POT1: variants seen among roughly 807,000 people sequenced by gnomAD.
POT1 encodes protection of telomeres protein 1.
In POT1, 47 loss-of-function variants were observed where a neutral mutation model predicts 78.5. That is an observed-to-expected ratio of 0.60 (90% CI 0.47 to 0.76). POT1 has a LOEUF of 0.76. POT1 is among the 30% of genes least tolerant of loss of function. The probability of loss-of-function intolerance (pLI) is 0.00; values close to 1 mark genes in which losing one functional copy is unlikely to be tolerated. For missense variants in POT1, 646 were observed against 749.9 expected, an observed-to-expected ratio of 0.86 and a Z score of 1.62; for synonymous variants, 259 against 260.7, an observed-to-expected ratio of 0.99 and a Z score of 0.06.
chr7:124,876,257 T>A (rs1324491785), intron 6 of POT1, among the ~76,000 whole-genome samples: 1 of 152,236 alleles, frequency 6.6e-6, no homozygotes, highest in East Asian at 1.9e-4. Flanking sequence ...ATATCCTTTT[T>A]ATAATCTTTA....
intron 17 of POT1, 101 bp from the exon 18 acceptor site, chr7:124,825,458 C>T: frequency 1.5e-6 from 1 of 659,216 alleles, no homozygotes; most frequent in South Asian, 2.8e-5. Flanking sequence ...AAAAGATAAT[C>T]TAGACAGTTT....
intron 14 of POT1, among the ~76,000 whole-genome samples, chr7:124,838,228 T>C (rs1794941954): frequency 6.6e-6 from 1 of 151,890 alleles, no homozygotes; most frequent in Non-Finnish European, 1.5e-5. Flanking sequence ...GTATACATAT[T>C]AGGAAGGAAG....
chr7:124,876,666 T>G (rs1188155386), intron 6 of POT1, among the ~76,000 whole-genome samples: 2 of 152,204 alleles, frequency 1.3e-5, no homozygotes, highest in African/African-American at 2.4e-5. Context: ...ACAGACTGTT[T>G]CTGTAAATTT....
chr7:124,899,908 T>C (rs1796579275), intron 3 of POT1, among the ~76,000 whole-genome samples: 1 of 152,116 alleles, frequency 6.6e-6, no homozygotes, highest in Non-Finnish European at 1.5e-5. Flanking sequence ...ATTTCTTTTA[T>C]CATGAAGAAA....
At chr7:124,857,414 C>T (rs990019176) in intron 9 of POT1, among the ~76,000 whole-genome samples, 30 of 152,336 alleles carry the variant, frequency 2.0e-4, no homozygotes, top group African/African-American at 6.0e-4. Flanking sequence ...CCTGATACCA[C>T]GGCCCAAAGT....
chr7:124,865,559 T>A (rs1795699376), intron 7 of POT1, among the ~76,000 whole-genome samples: 1 of 151,970 alleles, frequency 6.6e-6, no homozygotes, highest in African/African-American at 2.4e-5. Context: ...AGATTTTTCA[T>A]TTGTTCTTTT....
chr7:124,909,369 T>C (rs1284438987), intron 3 of POT1, among the ~76,000 whole-genome samples: 4 of 151,908 alleles, frequency 2.6e-5, no homozygotes, highest in African/African-American at 7.2e-5. Context: ...AGGATTATTG[T>C]ATTCAAATAC....
chr7:124,872,460 CCA>C (rs1314812292), intron 6 of POT1, among the ~76,000 whole-genome samples: 11 of 152,146 alleles, frequency 7.2e-5, no homozygotes, highest in Non-Finnish European at 7.4e-5. Flanking sequence ...TGCAGGGTAT[CCA>C]CACTGTCCAC....
chr7:124,836,854 C>G (rs140137001), intron 14 of POT1, among the ~76,000 whole-genome samples: 1 of 152,272 alleles, frequency 6.6e-6, no homozygotes, highest in Non-Finnish European at 1.5e-5. Context: ...AATGTAAAGT[C>G]CATGAAAGGA....
chr7:124,917,405 C>T (rs1797039534), intron 2 of POT1, among the ~76,000 whole-genome samples: 1 of 152,134 alleles, frequency 6.6e-6, no homozygotes, highest in African/African-American at 2.4e-5. Flanking sequence ...TATGAAGCCT[C>T]TAGTGCATTG....
At chr7:124,898,707 C>T (rs1207277928) in intron 3 of POT1, among the ~76,000 whole-genome samples, 1 of 151,974 alleles carries the variant, frequency 6.6e-6, no homozygotes, top group East Asian at 1.9e-4. Context: ...TTAAATGAAA[C>T]TAAATCTCAA....
At chr7:124,844,688 T>C (rs1795121181) in intron 12 of POT1, among the ~76,000 whole-genome samples, 2 of 124,730 alleles carry the variant, frequency 1.6e-5, no homozygotes, top group Admixed American at 2.2e-4. Flanking sequence ...TGAGCCAAGA[T>C]AGTGCCACTG....
chr7:124,879,445 G>A (rs1444167955), intron 6 of POT1, among the ~76,000 whole-genome samples: 1 of 152,104 alleles, frequency 6.6e-6, no homozygotes, highest in Non-Finnish European at 1.5e-5. Context: ...TTGGAAATGA[G>A]GGAAAAATAA....
At chr7:124,897,884 A>C (rs1018377498) in intron 4 of POT1, among the ~76,000 whole-genome samples, 1 of 151,968 alleles carries the variant, frequency 6.6e-6, no homozygotes, top group African/African-American at 2.4e-5. Flanking sequence ...GGCCATCTTC[A>C]CAACGAATAA....
chr7:124,907,140 T>C (rs1584519361), intron 3 of POT1, among the ~76,000 whole-genome samples: 1 of 152,262 alleles, frequency 6.6e-6, no homozygotes, highest in South Asian at 2.1e-4. Context: ...TATCAATGCA[T>C]ATACGAGTTA....
At chr7:124,922,864 G>A (rs1797184761) in intron 2 of POT1, among the ~76,000 whole-genome samples, 1 of 151,740 alleles carries the variant, frequency 6.6e-6, no homozygotes, top group Non-Finnish European at 1.5e-5. Context: ...CCCGTTATAT[G>A]CTAACAGATA....
At chr7:124,838,201 A>G (rs1016298272) in intron 14 of POT1, among the ~76,000 whole-genome samples, 1 of 152,132 alleles carries the variant, frequency 6.6e-6, no homozygotes, top group African/African-American at 2.4e-5. Context: ...TAATGCAGTA[A>G]GAAAAGGAAA....
chr7:124,903,974 T>G (rs903679380), intron 3 of POT1, among the ~76,000 whole-genome samples: 7 of 152,084 alleles, frequency 4.6e-5, no homozygotes, highest in African/African-American at 1.7e-4. Context: ...AGGAAGAAGT[T>G]GAATCCCTGA....
At chr7:124,916,325 T>C (rs1236454020) in intron 2 of POT1, among the ~76,000 whole-genome samples, 1 of 152,042 alleles carries the variant, frequency 6.6e-6, no homozygotes, top group Non-Finnish European at 1.5e-5. Flanking sequence ...TATAGGAACA[T>C]AAATAAAAAT....
Sources: gnomAD v4.1 joint callset for allele counts (sites outside exome capture counted in the v4.1 genomes callset) on GRCh38, gnomAD v4.1.1 for gene constraint, MANE v1.5 for transcripts, NCBI Gene and HGNC (gene_info 2026-07-23, HGNC 2026-07-21) for gene names.